Variants in GPC6 observed in about 807,000 individuals in gnomAD.
The protein encoded by GPC6 is glypican-6.
GPC6 carries 14 observed loss-of-function variants against 55.2 expected under a neutral mutation model. That is an observed-to-expected ratio of 0.25 (90% CI 0.17 to 0.40). The LOEUF (loss-of-function observed/expected upper bound fraction) is 0.40. Among genes scored for constraint, GPC6 ranks in the 10% least tolerant of loss-of-function variants. GPC6 has a pLI of 1.00. For synonymous variants in GPC6, 278 were observed against 259.6 expected, an observed-to-expected ratio of 1.07 and a Z score of -0.68; for missense variants, 641 against 708.5, an observed-to-expected ratio of 0.90 and a Z score of 1.08.
intron 1 of GPC6, among the ~76,000 whole-genome samples, chr13:93,264,458 G>A (rs1250542939): frequency 6.6e-6 from 1 of 152,078 alleles, no homozygotes; most frequent in African/African-American, 2.4e-5. Context: ...TGCCCAGGCT[G>A]GAGTGCAGTA....
chr13:93,427,250 C>T (rs183307977), intron 1 of GPC6, among the ~76,000 whole-genome samples: 1 of 151,978 alleles, frequency 6.6e-6, no homozygotes, highest in African/African-American at 2.4e-5. Context: ...GAAAAAACTA[C>T]TTTAAAGTTC....
intron 3 of GPC6, among the ~76,000 whole-genome samples, chr13:94,012,770 CT>C (rs1463793219): frequency 6.6e-6 from 1 of 152,148 alleles, no homozygotes; most frequent in Non-Finnish European, 1.5e-5. Flanking sequence ...AAGGCAGATT[CT>C]GTGTATTTCA....
intron 4 of GPC6, among the ~76,000 whole-genome samples, chr13:94,155,104 C>T (rs985679838): frequency 1.3e-5 from 2 of 152,094 alleles, no homozygotes; most frequent in Non-Finnish European, 2.9e-5. Context: ...TTCCACTCTG[C>T]ATCTGCAGGT....
In GPC6 at chr13:93,696,811, C is replaced by T. The variant is rs549685441; in HGVS notation, c.320-133343C>T. Among the ~76,000 whole-genome samples the T allele has an allele frequency of 8.6e-5, 13 of 151,814 alleles. No individual in the cohort carries two copies. In the East Asian group the frequency reaches 1.4e-3, roughly 16 times the overall value. ...CTACTTTTTGTATTTTTAGGAGAGGCGGGGTTTTCACCATGTTGGCCAGGC... is the reference window on the plus strand; with the variant it reads ...CTACTTTTTGTATTTTTAGGAGAGGTGGGGTTTTCACCATGTTGGCCAGGC... On this transcript the variant is annotated intron_variant, in intron 2 of 8. Coordinates refer to ENST00000377047, the MANE Select transcript of GPC6 (RefSeq NM_005708.5).
At chr13:93,570,557 A>G (rs1448388047) in intron 2 of GPC6, among the ~76,000 whole-genome samples, 1 of 152,186 alleles carries the variant, frequency 6.6e-6, no homozygotes, top group Non-Finnish European at 1.5e-5. Context: ...CAAAGAGAGC[A>G]TATACTAGGC....
At position 93,242,353 on chromosome 13, in the gene GPC6, G is replaced by A. The variant is rs117663268; in HGVS notation, c.160+14737G>A. 1.2e-4 allele frequency among the ~76,000 whole-genome samples: 19 copies of A among 152,260 alleles called. No homozygotes were observed. The East Asian group carries it at 2.7e-3, about 22-fold the overall frequency. On this transcript the variant is annotated intron_variant, in intron 1 of 8. Coordinates refer to ENST00000377047, the MANE Select transcript of GPC6 (RefSeq NM_005708.5). ...TATCATCCTCCTGTCCCAGTGTTCT[G>A]GATATTCAGATTAGACAAGCATCTT...
chr13:93,329,620 G>A (rs1290062119), intron 1 of GPC6, among the ~76,000 whole-genome samples: 1 of 152,174 alleles, frequency 6.6e-6, no homozygotes, highest in Non-Finnish European at 1.5e-5. Flanking sequence ...GTGGTTTAAA[G>A]TGTGGAGAGC....
intron 1 of GPC6, among the ~76,000 whole-genome samples, chr13:93,258,117 T>G (rs2139037108): frequency 6.6e-6 from 1 of 152,284 alleles, no homozygotes; most frequent in Admixed American, 6.5e-5. Context: ...TCCCATCCTC[T>G]TGAGTCTTCA....
intron 3 of GPC6, among the ~76,000 whole-genome samples, chr13:93,994,607 A>G (rs920138958): frequency 6.6e-6 from 1 of 152,252 alleles, no homozygotes; most frequent in African/African-American, 2.4e-5. Context: ...TAACAGCCCC[A>G]CAAGCCAGGA....
Position 93,239,000 on chromosome 13 carries a change from G to A in GPC6, c.160+11384G>A, listed in dbSNP as rs139845419. Among the ~76,000 whole-genome samples, 387 of 152,088 alleles carry A rather than the reference G, an allele frequency of 2.5e-3. 2 individuals carry two copies. The highest frequency in any genetic ancestry group is 8.6e-3 in the African/African-American group (355 of 41,514). ...TATAGTATTTGGTTTGCTATGTTTTGTTGAGGACTTTTGCATCTATGTTCA... is the reference window on the plus strand; with the variant it reads ...TATAGTATTTGGTTTGCTATGTTTTATTGAGGACTTTTGCATCTATGTTCA... On this transcript the variant is annotated intron_variant, in intron 1 of 8. Coordinates refer to ENST00000377047, the MANE Select transcript of GPC6 (RefSeq NM_005708.5).
At chr13:94,147,382 T>A (rs1407272145) in intron 4 of GPC6, among the ~76,000 whole-genome samples, 1 of 152,168 alleles carries the variant, frequency 6.6e-6, no homozygotes, top group African/African-American at 2.4e-5. Flanking sequence ...GATGTTAGGC[T>A]CTATAGCCTG....
At chr13:94,023,343 T>C (rs1326168331) in intron 3 of GPC6, among the ~76,000 whole-genome samples, 4 of 151,952 alleles carry the variant, frequency 2.6e-5, no homozygotes, top group African/African-American at 9.7e-5. Flanking sequence ...CACAAACCAG[T>C]TGGTGGATCA....
chr13:93,482,274 A>T (rs2139342952), intron 1 of GPC6, among the ~76,000 whole-genome samples: 1 of 152,216 alleles, frequency 6.6e-6, no homozygotes, highest in Non-Finnish European at 1.5e-5. Flanking sequence ...TAATTAACAA[A>T]TTTTAAGGAT....
At chr13:93,607,014 CTTTT>C (rs541897232) in intron 2 of GPC6, among the ~76,000 whole-genome samples, 4 of 151,984 alleles carry the variant, frequency 2.6e-5, no homozygotes, top group Non-Finnish European at 5.9e-5. Flanking sequence ...TTTTCTACTT[CTTTT>C]TTATTTCCTA....
intron 3 of GPC6, among the ~76,000 whole-genome samples, chr13:93,966,664 T>TTA (rs1371956380): frequency 1.4e-5 from 2 of 147,972 alleles, no homozygotes; most frequent in Non-Finnish European, 1.5e-5. Flanking sequence ...TTTTTTTTTT[T>TTA]TTTTTTGAGA....
At chr13:93,514,789 G>A (rs895439484) in intron 1 of GPC6, among the ~76,000 whole-genome samples, 2 of 152,136 alleles carry the variant, frequency 1.3e-5, no homozygotes, top group Non-Finnish European at 2.9e-5. Flanking sequence ...ATTATTGAGT[G>A]TTCATGAGGG....
chr13:93,868,145 T>C (rs1174315561), intron 3 of GPC6, among the ~76,000 whole-genome samples: 2 of 151,716 alleles, frequency 1.3e-5, no homozygotes, highest in Non-Finnish European at 2.9e-5. Context: ...ATAATATTTT[T>C]GGGTTAGACC....
intron 3 of GPC6, among the ~76,000 whole-genome samples, chr13:93,958,028 G>A (rs2140379964): frequency 6.6e-6 from 1 of 152,216 alleles, no homozygotes; most frequent in African/African-American, 2.4e-5. Flanking sequence ...AAAAGTGTCT[G>A]TTCATGTCCT....
chr13:93,844,300 A>G (rs964246867), intron 3 of GPC6, among the ~76,000 whole-genome samples: 2 of 152,002 alleles, frequency 1.3e-5, no homozygotes, highest in East Asian at 3.9e-4. Context: ...CACCATGCCC[A>G]GCTAATTTTT....
Sources: allele counts gnomAD v4.1 joint callset (sites outside exome capture counted in the v4.1 genomes callset), GRCh38; gene constraint gnomAD v4.1.1; transcripts MANE v1.5; gene names NCBI Gene and HGNC (gene_info 2026-07-23, HGNC 2026-07-21).